ZNF689: variants seen among roughly 807,000 people sequenced by gnomAD.
ZNF689 encodes the protein short ORF-encoded histone-binding protein.
A neutral mutation model predicts 37.2 loss-of-function variants in ZNF689; 14 were observed. That is an observed-to-expected ratio of 0.38 (90% confidence interval 0.25 to 0.59). ZNF689 has a LOEUF of 0.59. Ranked by LOEUF, ZNF689 falls within the 20% of genes least tolerant of loss-of-function variation. The probability of loss-of-function intolerance (pLI) is 0.68; values close to 1 mark genes in which losing one functional copy is unlikely to be tolerated. For synonymous variants in ZNF689, 277 were observed against 283.3 expected (o/e 0.98, Z 0.22); for missense variants, 573 against 700.2 (o/e 0.82, Z 2.05).
rs1477182400 is a variant in ZNF689, at chr16:30,605,463, A to T, written c.320-16T>A. On this transcript the variant is annotated splice_polypyrimidine_tract_variant and intron_variant, in intron 2 of 2. Coordinates refer to ENST00000287461, the MANE Select transcript of ZNF689 (RefSeq NM_138447.3). The surrounding 1 kb of genome is among the most constrained non-coding windows in gnomAD (Gnocchi z 5.1). ...GTTCTGCTTTCTATAGAAATACAGA[A>T]GCATTAATTTAACAAATACTGGGCT... is the stretch of plus-strand genomic sequence containing the variant. The T allele has an allele frequency of 8.1e-6, 13 of 1,602,134 alleles. No individual in the cohort carries two copies. Among genetic ancestry groups the T allele is most frequent in the Non-Finnish European group, 7.7e-6 (9 of 1,175,798 alleles).
chr16:30,609,938 G>A lies in ZNF689; in HGVS notation c.104C>T (p.Ala35Val). The A allele has an allele frequency of 6.2e-7, 1 of 1,612,718 alleles. No individual in the cohort carries two copies. ...RPRALKFVDV[A>V]VYFSPEEWGC... ...CCACTCCTCCGGGGAGAAGTACACGGCCACGTCCACGAACTTCAGAGCCCT... is the reference window on the plus strand; with the variant it reads ...CCACTCCTCCGGGGAGAAGTACACGACCACGTCCACGAACTTCAGAGCCCT... Residue 35 changes from alanine to valine, a missense_variant, in exon 1 of 3, where the codon GCC becomes GTC. Around this residue, in one of 3 missense-constraint regions of ZNF689, gnomAD observed 252 missense variants for 313.3 expected, o/e 0.80. Coordinates refer to ENST00000287461, the MANE Select transcript of ZNF689 (RefSeq NM_138447.3).
intron 2 of ZNF689, among the ~76,000 whole-genome samples, chr16:30,608,776 G>A (rs1248597641): frequency 6.6e-6 from 1 of 152,202 alleles, no homozygotes; most frequent in Non-Finnish European, 1.5e-5. Context: ...AAAGTTTTAA[G>A]CAAGGAAATA....
Position 30,604,882 on chromosome 16 carries a change from G to T in ZNF689, c.885C>A (p.Asn295Lys). The change falls in exon 3 of 3, where the codon AAC becomes AAA. Residue 295 changes from asparagine (N) to lysine (K), a missense_variant. This residue lies in a region of ZNF689 where 317 missense variants were observed against 367.1 expected (regional missense o/e 0.86). Transcript: ENST00000287461. This position sits in a 1 kb window ranked among gnomAD's most constrained non-coding sequence, Gnocchi z 5.2. The stretch of plus-strand genomic sequence containing the variant: ...GGGCCGTGCGCTGGCGGAAGCGGCG[G>T]TTGCACTCGAGGCAAGTGTAGGGCT... ...GEKPYTCLECNRRFRQRTALV... is the reference protein window; with the variant it reads ...GEKPYTCLECKRRFRQRTALV... 6.3e-7 allele frequency: 1 copy of T among 1,578,816 alleles called. No individual in the cohort carries two copies. The highest frequency in any genetic ancestry group is 8.6e-7 in the Non-Finnish European group (1 of 1,162,390).
At chr16:30,609,384 C>T in intron 2 of ZNF689, 141 bp downstream of exon 2, 2 of 670,360 alleles carry the variant, frequency 3.0e-6, no homozygotes, top group Non-Finnish European at 5.1e-6. Flanking sequence ...GGCCCCACAC[C>T]ACCAGACACA....
chr16:30,610,124 C>A lies in ZNF689; in HGVS notation c.-83G>T. On this transcript the variant is annotated 5_prime_UTR_variant, in exon 1 of 3. Coordinates refer to ENST00000287461, the MANE Select transcript of ZNF689 (RefSeq NM_138447.3). ...TGGCGGCCCCTGGGATCGAGGAGCC[C>A]CTGCCGGACCAGGGCTGAGCGTGGC... 1 of 1,464,222 alleles carries A rather than the reference C, an allele frequency of 6.8e-7. No homozygotes were observed. The highest frequency in any genetic ancestry group is 9.1e-7 in the Non-Finnish European group (1 of 1,097,896). The allele number at this position is 1,464,222 out of a possible 1,614,324, so 90.7% of individuals were successfully genotyped here.
chr16:30,607,819 G>A (rs1342489145), intron 2 of ZNF689, among the ~76,000 whole-genome samples: 4 of 152,098 alleles, frequency 2.6e-5, no homozygotes, highest in African/African-American at 4.8e-5. Flanking sequence ...AAAATTAGCC[G>A]GGTGTGATCG....
intron 2 of ZNF689, among the ~76,000 whole-genome samples, chr16:30,607,456 T>C (rs962640441): frequency 6.6e-6 from 1 of 150,888 alleles, no homozygotes; most frequent in Non-Finnish European, 1.5e-5. Flanking sequence ...CCGTGCATGC[T>C]GGCGGGCGCC....
Position 30,609,877 on chromosome 16 carries a change from C to A in ZNF689, c.165G>T (p.Arg55=). The stretch of plus-strand genomic sequence containing the variant: ...GACCGTAGGTCTCCCGCATCACGTC[C>A]CGGTACAGGGCCCTCTGCGCGGGCC... ...CLRPAQRALY[R]DVMRETYGHL... The change falls in exon 1 of 3, where the codon CGG becomes CGT. Residue 55 remains arginine, a synonymous_variant. Coordinates refer to ENST00000287461, the MANE Select transcript of ZNF689 (RefSeq NM_138447.3). 1 of 1,611,262 alleles carries A rather than the reference C, an allele frequency of 6.2e-7. No individual in the cohort carries two copies. The highest frequency in any genetic ancestry group is 1.1e-5 in the South Asian group (1 of 90,884).
intron 2 of ZNF689, among the ~76,000 whole-genome samples, chr16:30,606,926 T>C (rs1370745003): frequency 1.3e-5 from 2 of 152,082 alleles, no homozygotes; most frequent in Non-Finnish European, 2.9e-5. Context: ...CAGAATTCCA[T>C]TGTGGATGGT....
Position 30,604,743 on chromosome 16 carries a change from C to T in ZNF689, c.1024G>A (p.Glu342Lys). Residue 342 changes from glutamate to lysine, a missense_variant, in exon 3 of 3, where the codon GAG becomes AAG. Transcript: ENST00000287461. This position sits in a 1 kb window ranked among gnomAD's most constrained non-coding sequence, Gnocchi z 5.2. ...CAGTGCTCGCAGGCATAGGGACGCT[C>T]CCCAGAGTGCACACGCCGGTGACTG... ...LVSHRRVHSG[E>K]RPYACEHCEA... 1.2e-6 allele frequency: 2 copies of T among 1,606,548 alleles called. No individual in the cohort carries two copies. The highest frequency in any genetic ancestry group is 1.7e-6 in the Non-Finnish European group (2 of 1,177,386).
chr16:30,604,226 T>C lies in ZNF689; in HGVS notation c.*38A>G. The C allele has an allele frequency of 1.9e-6, 3 of 1,609,110 alleles. No homozygotes were observed. Among genetic ancestry groups the C allele is most frequent in the Non-Finnish European group, 2.6e-6 (3 of 1,175,872 alleles). ...CTCCTCCTTCCCTTTTCTGGGACCC[T>C]CCATAAAATGAAATGAACGTAGGCA... On this transcript the variant is annotated 3_prime_UTR_variant, in exon 3 of 3. Coordinates refer to ENST00000287461, the MANE Select transcript of ZNF689 (RefSeq NM_138447.3). The surrounding 1 kb of genome is among the most constrained non-coding windows in gnomAD (Gnocchi z 5.2).
chr16:30,610,020 G>A lies in ZNF689; in HGVS notation c.22C>T (p.Leu8Phe). MAPPSAP[L>F]PAQGPGKARP... The stretch of plus-strand genomic sequence containing the variant: ...GCCTTTCCTGGTCCCTGCGCAGGGA[G>A]CGGAGCCGAAGGTGGCGCCATGGGA... The change falls in exon 1 of 3, where the codon CTC becomes TTC. Residue 8 changes from leucine (L) to phenylalanine (F), a missense_variant. Leu to Phe is a conservative substitution (Grantham distance 22). Around this residue, in one of 3 missense-constraint regions of ZNF689, gnomAD observed 252 missense variants for 313.3 expected, o/e 0.80. Transcript: ENST00000287461. The A allele has an allele frequency of 6.2e-7, 1 of 1,601,172 alleles. No homozygotes were observed. The highest frequency in any genetic ancestry group is 1.3e-5 in the African/African-American group (1 of 74,764).
In ZNF689 at chr16:30,605,403, G is replaced by A. The variant is rs1326724661; in HGVS notation, c.364C>T (p.Pro122Ser). 6.2e-7 allele frequency: 1 copy of A among 1,613,818 alleles called. No homozygotes were observed. The highest frequency in any genetic ancestry group is 1.7e-5 in the Admixed American group (1 of 59,980). Residue 122 changes from proline to serine, a missense_variant, in exon 3 of 3, where the codon CCT becomes TCT. By Grantham distance (74) the Pro-to-Ser change is moderately conservative. This residue lies in a region of ZNF689 where 252 missense variants were observed against 313.3 expected (regional missense o/e 0.80). Transcript: ENST00000287461. The surrounding 1 kb of genome is among the most constrained non-coding windows in gnomAD (Gnocchi z 5.1). ...TTCCCCTTTCGGGGTGCCTCCTTAG[G>A]CGGGAATACTTCCTTCTCCCCATTC... ...KKNGEKEVFP[P>S]KEAPRKGKRG...
At chr16:30,609,066 AG>A (rs1327618870) in intron 2 of ZNF689, among the ~76,000 whole-genome samples, 2 of 152,190 alleles carry the variant, frequency 1.3e-5, no homozygotes, top group Admixed American at 6.6e-5. Context: ...TGAGAAGTTT[AG>A]GATCTCTTTG....
chr16:30,607,245 T>C (rs2052044445), intron 2 of ZNF689, among the ~76,000 whole-genome samples: 1 of 90,000 alleles, frequency 1.1e-5, no homozygotes, highest in Non-Finnish European at 1.9e-5. Flanking sequence ...TGAGACTCCA[T>C]CTCAAAAAAA....
intron 2 of ZNF689, among the ~76,000 whole-genome samples, chr16:30,607,080 G>A (rs1414485527): frequency 8.0e-5 from 12 of 150,010 alleles, no homozygotes; most frequent in Non-Finnish European, 1.6e-4. Flanking sequence ...GTGAAACCCC[G>A]TCTCTACAAA....
At chr16:30,609,065 T>C (rs1269355625) in intron 2 of ZNF689, among the ~76,000 whole-genome samples, 2 of 152,152 alleles carry the variant, frequency 1.3e-5, no homozygotes, top group Admixed American at 6.6e-5. Context: ...CTGAGAAGTT[T>C]AGGATCTCTT....
intron 2 of ZNF689, among the ~76,000 whole-genome samples, chr16:30,607,025 C>T (rs771884264): frequency 5.9e-5 from 9 of 151,466 alleles, no homozygotes; most frequent in Non-Finnish European, 1.0e-4. Context: ...CTGAGGCAGG[C>T]GGATCACCTG....
rs2151243169 is a variant in ZNF689, at chr16:30,603,439, C to T, written c.*825G>A. ...AAACCCCTGGTACCATGCAGCTCCC[C>T]CAAATTCAGTGCAACCAAAGCTGCT... On this transcript the variant is annotated 3_prime_UTR_variant, in exon 3 of 3. Coordinates refer to ENST00000287461, the MANE Select transcript of ZNF689 (RefSeq NM_138447.3). 6.6e-6 allele frequency: 1 copy of T among 152,052 alleles called. No individual in the cohort carries two copies. Among genetic ancestry groups the T allele is most frequent in the African/African-American group, 2.4e-5 (1 of 41,424 alleles). The allele number at this position is 152,052 out of a possible 1,614,324, so 9.4% of individuals were successfully genotyped here. A position where few individuals can be genotyped will look rare whatever the true frequency, so the allele number is the denominator to read the frequency against.
Sources: allele counts gnomAD v4.1 joint callset (sites outside exome capture counted in the v4.1 genomes callset), GRCh38; gene constraint gnomAD v4.1.1; regional missense constraint gnomAD v4.1.1; non-coding constraint Gnocchi (gnomAD v3.1); transcripts MANE v1.5; gene names NCBI Gene and HGNC (gene_info 2026-07-23, HGNC 2026-07-21).